The following CYP4F22 variants were observed in gnomAD, a reference collection of about 807,000 sequenced individuals.
CYP4F22 encodes cytochrome P450 family 4 subfamily F member 22.
In CYP4F22, 37 loss-of-function variants were observed where a neutral mutation model predicts 60.4. The observed-to-expected ratio is 0.61, with a 90% CI of 0.47 to 0.81. The LOEUF (loss-of-function observed/expected upper bound fraction) is 0.81, where lower values mean the gene tolerates loss of function less well. Ranked by LOEUF, CYP4F22 falls within the 30% of genes least tolerant of loss-of-function variation. CYP4F22 has a pLI of 0.00. For synonymous variants in CYP4F22, 258 were observed against 280.5 expected (o/e 0.92, Z 0.80); for missense variants, 655 against 715.0 (o/e 0.92, Z 0.96).
chr19:15,542,442 C>T (rs572734833), intron 8 of CYP4F22, among the ~76,000 whole-genome samples: 2 of 152,196 alleles, frequency 1.3e-5, no homozygotes, highest in African/African-American at 4.8e-5. Context: ...GAGGCTGAGG[C>T]AGGAGAATCG....
At chr19:15,550,247 C>T (rs533894653) in intron 12 of CYP4F22, among the ~76,000 whole-genome samples, 1 of 152,008 alleles carries the variant, frequency 6.6e-6, no homozygotes, top group Non-Finnish European at 1.5e-5. Flanking sequence ...GAGCTATGAT[C>T]GCGCTTCTGC....
At chr19:15,533,491 A>C (rs944248944) in intron 4 of CYP4F22, among the ~76,000 whole-genome samples, 1 of 152,186 alleles carries the variant, frequency 6.6e-6, no homozygotes, top group Non-Finnish European at 1.5e-5. Flanking sequence ...ACATCATAGA[A>C]AGAGAACCAC....
At chr19:15,546,394 G>A (rs1473737347) in intron 10 of CYP4F22, among the ~76,000 whole-genome samples, 2 of 152,184 alleles carry the variant, frequency 1.3e-5, no homozygotes, top group Non-Finnish European at 2.9e-5. Flanking sequence ...GACCAACCTG[G>A]GCAACATGGT....
intron 7 of CYP4F22, 151 bp from the exon 8 acceptor site, chr19:15,540,299 A>G (rs1170108984): frequency 3.1e-6 from 3 of 964,832 alleles, no homozygotes; most frequent in Non-Finnish European, 4.6e-6. Flanking sequence ...CCCTATCTAA[A>G]AAAATAAATA....
chr19:15,538,056 G>T lies in CYP4F22; in HGVS notation c.671+63G>T, dbSNP rs28631843. 0.053 allele frequency: 85,961 copies of T among 1,608,150 alleles called. 2,870 individuals are homozygous for T. The highest frequency in any genetic ancestry group is 0.15 in the African/African-American group (11,069 of 74,918). On this transcript the variant is annotated intron_variant, in intron 7 of 13. Coordinates refer to ENST00000269703, the MANE Select transcript of CYP4F22 (RefSeq NM_173483.4). ...CTCTAGGAGCAAGATGGTGGCAGGAGAAAGGGAACTCCCAGGCATTAGACA... is the reference window on the plus strand; with the variant it reads ...CTCTAGGAGCAAGATGGTGGCAGGATAAAGGGAACTCCCAGGCATTAGACA...
Position 15,551,519 on chromosome 19 carries a change from A to G in CYP4F22, c.*48A>G, listed in dbSNP as rs751676180. On this transcript the variant is annotated 3_prime_UTR_variant, in exon 14 of 14. Coordinates refer to ENST00000269703, the MANE Select transcript of CYP4F22 (RefSeq NM_173483.4). ...CCCGAGGGTCCAGGCCCCGCCCCCA[A>G]AGGACCAGGACTCGCCCCAAAGATC... 1.3e-6 allele frequency: 2 copies of G among 1,535,766 alleles called. No individual in the cohort carries two copies. The highest frequency in any genetic ancestry group is 1.8e-6 in the Non-Finnish European group (2 of 1,141,856).
rs1971553304 is a variant in CYP4F22, at chr19:15,548,097, A to G, written c.1137-11A>G. 1.2e-6 allele frequency: 2 copies of G among 1,607,818 alleles called. No homozygotes were observed. The highest frequency in any genetic ancestry group is 1.7e-5 in the Admixed American group (1 of 59,108). On this transcript the variant is annotated splice_polypyrimidine_tract_variant and intron_variant, in intron 10 of 13. Transcript: ENST00000269703. ...TGGCTCGGCCTCTAGTTATATCTCC[A>G]TTCTCCCCAGGGACGATCTGACTCA... is the stretch of plus-strand genomic sequence containing the variant.
At chr19:15,517,474 C>T (rs910958898) in intron 1 of CYP4F22, among the ~76,000 whole-genome samples, 2 of 152,200 alleles carry the variant, frequency 1.3e-5, no homozygotes, top group Non-Finnish European at 2.9e-5. Flanking sequence ...CACAACTCCC[C>T]TCTCTCACCC....
rs151276281 is a variant in CYP4F22, at chr19:15,533,618, C to T, written c.368-3743C>T. The stretch of plus-strand genomic sequence containing the variant: ...TTTTTTTTTTTTTTTTTTTTTGAGA[C>T]AGGGTCTTACCCTGTCACCCAGAGG... On this transcript the variant is annotated intron_variant, in intron 4 of 13. Transcript: ENST00000269703. 3.4e-3 allele frequency among the ~76,000 whole-genome samples: 321 copies of T among 93,710 alleles called. 1 individual carries two copies. Among genetic ancestry groups the T allele is most frequent in the African/African-American group, 0.014 (307 of 21,860 alleles). 61.5% of individuals were successfully genotyped at this position (93,710 alleles called of 152,430 possible). A position where few individuals can be genotyped will look rare whatever the true frequency, so the allele number is the denominator to read the frequency against.
At chr19:15,521,875 T>A (rs1254587288) in intron 1 of CYP4F22, among the ~76,000 whole-genome samples, 2 of 152,052 alleles carry the variant, frequency 1.3e-5, no homozygotes, top group East Asian at 3.9e-4. Flanking sequence ...CCGGGCGTGG[T>A]GGCTCACGCC....
At chr19:15,512,178 G>A (rs866550652) in intron 1 of CYP4F22, among the ~76,000 whole-genome samples, 2 of 152,154 alleles carry the variant, frequency 1.3e-5, no homozygotes, top group African/African-American at 4.8e-5. Context: ...AACCTTAGGG[G>A]GTAGGTCCTG....
chr19:15,527,301 C>G (rs1971293880), intron 3 of CYP4F22, among the ~76,000 whole-genome samples: 1 of 152,160 alleles, frequency 6.6e-6, no homozygotes, highest in Admixed American at 6.6e-5. Flanking sequence ...GGCTGGTGTT[C>G]AAGGCCCTTT....
chr19:15,523,895 T>TAAC (rs1971251886), intron 2 of CYP4F22, 96 bp downstream of exon 2: 1 of 151,856 alleles, frequency 6.6e-6, no homozygotes, highest in African/African-American at 2.4e-5. Context: ...CACAGATGAA[T>TAAC]GAATAAAGAA....
At chr19:15,513,891 C>T (rs564526664) in intron 1 of CYP4F22, among the ~76,000 whole-genome samples, 164 of 152,252 alleles carry the variant, frequency 1.1e-3, no homozygotes, top group Non-Finnish European at 2.0e-3. Context: ...CAGCCCTAAT[C>T]GAGATGTAAT....
intron 7 of CYP4F22, 91 bp from the exon 8 acceptor site, chr19:15,540,359 C>T (rs1971442805): frequency 2.0e-6 from 3 of 1,487,576 alleles, no homozygotes; most frequent in African/African-American, 2.8e-5. Flanking sequence ...GTTATCTATT[C>T]AATGGGGACA....
chr19:15,509,408 T>C (rs914198349), intron 1 of CYP4F22, among the ~76,000 whole-genome samples: 1 of 152,160 alleles, frequency 6.6e-6, no homozygotes, highest in Non-Finnish European at 1.5e-5. Flanking sequence ...GCAAAGGAGA[T>C]GGCCAGGGCT....
chr19:15,543,207 C>G (rs540542747), intron 8 of CYP4F22, among the ~76,000 whole-genome samples: 141 of 152,270 alleles, frequency 9.3e-4, no homozygotes, highest in African/African-American at 3.2e-3. Flanking sequence ...CACAGCCTCA[C>G]CAGCATCTCT....
intron 1 of CYP4F22, among the ~76,000 whole-genome samples, chr19:15,518,670 G>GAA (rs1971184612): frequency 1.4e-5 from 1 of 71,742 alleles, no homozygotes; most frequent in African/African-American, 5.6e-5. Context: ...AAAAAAAAAA[G>GAA]AAACAAAACA....
chr19:15,512,193 T>C (rs920132095), intron 1 of CYP4F22, among the ~76,000 whole-genome samples: 5 of 152,190 alleles, frequency 3.3e-5, no homozygotes, highest in Non-Finnish European at 7.3e-5. Context: ...GTCCTGTTAT[T>C]ATCAACCCAT....
Sources: allele counts gnomAD v4.1 joint callset (sites outside exome capture counted in the v4.1 genomes callset), GRCh38; gene constraint gnomAD v4.1.1; transcripts MANE v1.5; gene names NCBI Gene and HGNC (gene_info 2026-07-23, HGNC 2026-07-21).